Variants in CMIP observed in about 807,000 individuals in gnomAD.
CMIP encodes the protein C-Maf-inducing protein.
CMIP carries 13 observed loss-of-function variants against 97.3 expected under a neutral mutation model. That is an observed-to-expected ratio of 0.13 (90% CI 0.09 to 0.21). CMIP has a LOEUF of 0.21. CMIP is among the 10% of genes least tolerant of loss of function. CMIP has a pLI of 1.00. For synonymous variants in CMIP, 538 were observed against 436.3 expected (o/e 1.23, Z -2.91); for missense variants, 847 against 1,024.9 (o/e 0.83, Z 2.37).
rs141343081 is a variant in CMIP, at chr16:81,674,288, A to G, written c.1034+2218A>G. Among the ~76,000 whole-genome samples the G allele has an allele frequency of 3.2e-3, 486 of 152,312 alleles. 1 individual carries two copies. The highest frequency in any genetic ancestry group is 0.024 in the Middle Eastern group (7 of 294). Reference sequence around the variant, plus strand: ...GAGAAAACGGAAGCCAGAGGGTAGTATCAGGCCTGCCCTTTTGTATTTTTA... The same window carrying G: ...GAGAAAACGGAAGCCAGAGGGTAGTGTCAGGCCTGCCCTTTTGTATTTTTA... On this transcript the variant is annotated intron_variant, in intron 9 of 20. Transcript: ENST00000537098.
chr16:81,475,481 G>A (rs941348736), intron 1 of CMIP, among the ~76,000 whole-genome samples: 1 of 148,738 alleles, frequency 6.7e-6, no homozygotes, highest in Non-Finnish European at 1.5e-5. Flanking sequence ...ACTCCATAAT[G>A]TTTCCTAGAT....
chr16:81,469,408 C>G (rs1281217017), intron 1 of CMIP, among the ~76,000 whole-genome samples: 1 of 152,234 alleles, frequency 6.6e-6, no homozygotes, highest in Non-Finnish European at 1.5e-5. Flanking sequence ...GGTACCAACT[C>G]CATGGGCTTC....
intron 1 of CMIP, among the ~76,000 whole-genome samples, chr16:81,544,755 G>C (rs559760190): frequency 6.6e-6 from 1 of 152,130 alleles, no homozygotes; most frequent in Non-Finnish European, 1.5e-5. Context: ...GTGTATTTGT[G>C]TATGTGTGGA....
Position 81,459,293 on chromosome 16 carries a change from A to G in CMIP, c.300+13752A>G, listed in dbSNP as rs145609838. On this transcript the variant is annotated intron_variant, in intron 1 of 20. Coordinates refer to ENST00000537098, the MANE Select transcript of CMIP (RefSeq NM_198390.3). ...AGGAAAGTCTCACAGTTTTCTTGGA[A>G]ACCTTCTGGTGACCTTGGAGTCAAG... 2.3e-3 allele frequency among the ~76,000 whole-genome samples: 350 copies of G among 152,252 alleles called. 3 individuals carry two copies. The highest frequency in any genetic ancestry group is 8.1e-3 in the African/African-American group (336 of 41,550).
chr16:81,468,582 C>G (rs80340955), intron 1 of CMIP, among the ~76,000 whole-genome samples: 4,242 of 152,360 alleles, frequency 0.028, 65 homozygotes, highest in Middle Eastern at 0.044. Flanking sequence ...GAAGCATGCC[C>G]TTATGGGGCA....
At chr16:81,588,455 T>G (rs1367764007) in intron 1 of CMIP, among the ~76,000 whole-genome samples, 3 of 152,198 alleles carry the variant, frequency 2.0e-5, no homozygotes, top group Non-Finnish European at 4.4e-5. Context: ...TGTGCCACCG[T>G]CCATTGACCT....
intron 1 of CMIP, among the ~76,000 whole-genome samples, chr16:81,528,233 A>G (rs368028555): frequency 1.6e-4 from 25 of 152,308 alleles, no homozygotes; most frequent in African/African-American, 5.8e-4. Flanking sequence ...TAGTATTTTT[A>G]AGGAGATGGT....
chr16:81,495,856 C>T (rs1167065329), intron 1 of CMIP, among the ~76,000 whole-genome samples: 5 of 99,940 alleles, frequency 5.0e-5, no homozygotes, highest in Admixed American at 1.4e-4. Context: ...CCACCTCATT[C>T]CCCCAACTAG....
At chr16:81,576,907 C>T (rs1320305440) in intron 1 of CMIP, among the ~76,000 whole-genome samples, 2 of 152,078 alleles carry the variant, frequency 1.3e-5, no homozygotes, top group Non-Finnish European at 2.9e-5. Flanking sequence ...GTGGAGGCTG[C>T]TCTGATCACA....
chr16:81,686,729 CAG>C (rs1008958712), intron 10 of CMIP, among the ~76,000 whole-genome samples: 3 of 152,170 alleles, frequency 2.0e-5, no homozygotes, highest in African/African-American at 4.8e-5. Context: ...AGCCCTCACT[CAG>C]GGGTTATCTA....
Position 81,686,140 on chromosome 16 carries a change from C to T in CMIP, c.1389-5635C>T, listed in dbSNP as rs1447580468. On this transcript the variant is annotated intron_variant, in intron 10 of 20. Coordinates refer to ENST00000537098, the MANE Select transcript of CMIP (RefSeq NM_198390.3). The stretch of plus-strand genomic sequence containing the variant: ...CTGACGCATGGGAGCCCTTGGAGAG[C>T]ACCTGGCACGCAGCAGGCGCTGCAG... Among the ~76,000 whole-genome samples the T allele has an allele frequency of 2.6e-5, 4 of 152,222 alleles. No individual in the cohort carries two copies. The South Asian group carries it at 8.3e-4, about 31-fold the overall frequency.
Position 81,691,779 on chromosome 16 carries a change from G to T in CMIP, c.1393G>T (p.Asp465Tyr), listed in dbSNP as rs371140458. The change falls in exon 11 of 21, where the codon GAC becomes TAC. Residue 465 changes from aspartate to tyrosine, a missense_variant. Around this residue, in one of 4 missense-constraint regions of CMIP, gnomAD observed 202 missense variants for 168.7 expected, o/e 1.20. Transcript: ENST00000537098. ...TGTCACCCTCTCTCATTCTAGGTCA[G>T]ACTATGATGACTGGAGACCGTCTCT... ...CYVEILKLLS[D>Y]YDDWRPSLAS... 12 of 1,613,600 alleles carry T rather than the reference G, an allele frequency of 7.4e-6. No individual in the cohort carries two copies. The highest frequency in any genetic ancestry group is 1.3e-5 in the African/African-American group (1 of 74,922).
chr16:81,481,201 A>G (rs937633091), intron 1 of CMIP, among the ~76,000 whole-genome samples: 4 of 152,190 alleles, frequency 2.6e-5, no homozygotes, highest in African/African-American at 9.7e-5. Flanking sequence ...TCTTAGGAAT[A>G]TGCGGTGATG....
chr16:81,650,647 G>C (rs1307464092), intron 3 of CMIP, among the ~76,000 whole-genome samples: 21 of 152,264 alleles, frequency 1.4e-4, no homozygotes. Flanking sequence ...ATCTCCTTCA[G>C]TTTTTCAAGA....
intron 1 of CMIP, among the ~76,000 whole-genome samples, chr16:81,560,845 G>A (rs573403639): frequency 1.2e-3 from 179 of 152,344 alleles, no homozygotes; most frequent in African/African-American, 4.0e-3. Flanking sequence ...CCATAGGTGT[G>A]TAGTAGGCCG....
At chr16:81,525,711 C>T (rs779807822) in intron 1 of CMIP, among the ~76,000 whole-genome samples, 1 of 152,190 alleles carries the variant, frequency 6.6e-6, no homozygotes, top group Non-Finnish European at 1.5e-5. Context: ...CATCATCCAT[C>T]TCCAGAACAC....
At chr16:81,468,538 G>A (rs1907340849) in intron 1 of CMIP, among the ~76,000 whole-genome samples, 1 of 152,278 alleles carries the variant, frequency 6.6e-6, no homozygotes, top group Admixed American at 6.5e-5. Flanking sequence ...TGCTTTCAGA[G>A]TGTTCTCTCA....
intron 1 of CMIP, among the ~76,000 whole-genome samples, chr16:81,511,736 A>G (rs2089814197): frequency 6.6e-6 from 1 of 152,008 alleles, no homozygotes; most frequent in South Asian, 2.1e-4. Flanking sequence ...AATTTTTTGT[A>G]TGTTTTGTAG....
chr16:81,612,943 C>T (rs910216384), intron 2 of CMIP, among the ~76,000 whole-genome samples: 1 of 152,180 alleles, frequency 6.6e-6, no homozygotes. Flanking sequence ...GCTCAGCCAC[C>T]AGCAGGACAG....
Sources: allele counts gnomAD v4.1 joint callset (sites outside exome capture counted in the v4.1 genomes callset), GRCh38; gene constraint gnomAD v4.1.1; regional missense constraint gnomAD v4.1.1; transcripts MANE v1.5; gene names NCBI Gene and HGNC (gene_info 2026-07-23, HGNC 2026-07-21).